The following ZFHX3 variants were observed in gnomAD, a reference collection of about 807,000 sequenced individuals.
ZFHX3 encodes zinc finger homeobox protein 3.
A neutral mutation model predicts 279.1 loss-of-function variants in ZFHX3; 42 were observed. The observed-to-expected ratio is 0.15, with a 90% CI of 0.12 to 0.19. The LOEUF (loss-of-function observed/expected upper bound fraction) is 0.19, where lower values mean the gene tolerates loss of function less well. Ranked by LOEUF, ZFHX3 falls within the 10% of genes least tolerant of loss-of-function variation. The probability of loss-of-function intolerance (pLI) is 1.00; values close to 1 mark genes in which losing one functional copy is unlikely to be tolerated. For missense variants in ZFHX3, 4,981 were observed against 4,754.0 expected, an observed-to-expected ratio of 1.05 and a Z score of -1.40; for synonymous variants, 2,293 against 1,957.8, an observed-to-expected ratio of 1.17 and a Z score of -4.52.
intron 2 of ZFHX3, among the ~76,000 whole-genome samples, chr16:73,678,168 G>GA (rs990365903): frequency 2.0e-4 from 30 of 151,970 alleles, no homozygotes; most frequent in Admixed American, 1.7e-3. Context: ...AGCAAAATCA[G>GA]AAAAAAACTA....
chr16:73,325,883 C>CTAA (rs1450354271), intron 3 of ZFHX3, among the ~76,000 whole-genome samples: 5 of 126,330 alleles, frequency 4.0e-5, no homozygotes, highest in African/African-American at 1.4e-4. Flanking sequence ...GGAGTTTGGT[C>CTAA]TAATAATACA....
At chr16:73,228,692 C>A (rs886384389) in intron 5 of ZFHX3, among the ~76,000 whole-genome samples, 1 of 152,118 alleles carries the variant, frequency 6.6e-6, no homozygotes, top group African/African-American at 2.4e-5. Flanking sequence ...AAACCACTTT[C>A]AAGGGCCCTT....
At chr16:72,884,160 C>T (rs2038565366) in intron 4 of ZFHX3, among the ~76,000 whole-genome samples, 1 of 152,134 alleles carries the variant, frequency 6.6e-6, no homozygotes, top group South Asian at 2.1e-4. Flanking sequence ...ATACATTAAG[C>T]ACAACACCCT....
At chr16:73,474,817 G>A (rs960387487) in intron 2 of ZFHX3, among the ~76,000 whole-genome samples, 4 of 152,206 alleles carry the variant, frequency 2.6e-5, no homozygotes, top group Admixed American at 2.6e-4. Flanking sequence ...CTTCGTGGTT[G>A]GTTATGTCGA....
intron 2 of ZFHX3, among the ~76,000 whole-genome samples, chr16:73,463,107 A>G (rs1407721325): frequency 2.0e-5 from 3 of 152,182 alleles, no homozygotes. Flanking sequence ...TCTATAATAA[A>G]TTTCTTAGTC....
intron 1 of ZFHX3, among the ~76,000 whole-genome samples, chr16:73,719,652 T>A: frequency 6.6e-6 from 1 of 152,342 alleles, no homozygotes; most frequent in South Asian, 2.1e-4. Flanking sequence ...TTTATTTTTT[T>A]ATTTTTTGCT....
At chr16:73,757,078 GTC>G (rs1194341255) in intron 1 of ZFHX3, among the ~76,000 whole-genome samples, 2 of 152,138 alleles carry the variant, frequency 1.3e-5, no homozygotes, top group African/African-American at 4.8e-5. Flanking sequence ...ATGCTTCAGT[GTC>G]TCTTCTGAAG....
intron 5 of ZFHX3, among the ~76,000 whole-genome samples, chr16:73,207,246 G>T (rs559418726): frequency 6.6e-6 from 1 of 152,006 alleles, no homozygotes; most frequent in Non-Finnish European, 1.5e-5. Context: ...GACGACACAC[G>T]GTTCTAGAGC....
At chr16:73,560,089 G>A (rs894776488) in intron 2 of ZFHX3, among the ~76,000 whole-genome samples, 1 of 152,212 alleles carries the variant, frequency 6.6e-6, no homozygotes, top group Non-Finnish European at 1.5e-5. Flanking sequence ...ATGATCGGGA[G>A]CTTGTCTGTC....
At chr16:73,336,068 C>T (rs2015906337) in intron 3 of ZFHX3, among the ~76,000 whole-genome samples, 1 of 152,200 alleles carries the variant, frequency 6.6e-6, no homozygotes, top group Non-Finnish European at 1.5e-5. Context: ...TACTGCTCCA[C>T]ACCCAGGCTC....
intron 5 of ZFHX3, among the ~76,000 whole-genome samples, chr16:73,173,262 C>G (rs1967582134): frequency 6.6e-6 from 1 of 152,050 alleles, no homozygotes; most frequent in Non-Finnish European, 1.5e-5. Context: ...TTACCTCACA[C>G]TGAAGGACTT....
intron 7 of ZFHX3, among the ~76,000 whole-genome samples, chr16:73,100,646 C>G (rs1966219866): frequency 6.6e-6 from 1 of 151,120 alleles, no homozygotes; most frequent in African/African-American, 2.4e-5. Flanking sequence ...GTGGCGCAAC[C>G]TTGCCTCACT....
chr16:73,426,645 A>G (rs1403399019), intron 3 of ZFHX3, among the ~76,000 whole-genome samples: 1 of 152,106 alleles, frequency 6.6e-6, no homozygotes, highest in Non-Finnish European at 1.5e-5. Context: ...AAATATGTGT[A>G]TGTGGGAGGT....
At chr16:73,056,946 T>C (rs569221454) in intron 1 of ZFHX3, among the ~76,000 whole-genome samples, 1 of 152,324 alleles carries the variant, frequency 6.6e-6, no homozygotes, top group African/African-American at 2.4e-5. Flanking sequence ...GCTCGAGTCT[T>C]TTTTAAATTC....
At chr16:73,598,575 G>A (rs796998783) in intron 2 of ZFHX3, among the ~76,000 whole-genome samples, 6 of 151,210 alleles carry the variant, frequency 4.0e-5, no homozygotes, top group Non-Finnish European at 8.8e-5. Context: ...GCATCGCCAC[G>A]CCCGACCAAT....
intron 1 of ZFHX3, among the ~76,000 whole-genome samples, chr16:73,729,264 C>T (rs1271260965): frequency 6.6e-6 from 1 of 152,160 alleles, no homozygotes; most frequent in Non-Finnish European, 1.5e-5. Context: ...TGGAGGCTCA[C>T]GCCTGTAATC....
rs74030921 is a variant in ZFHX3 at position 73,878,628 on chromosome 16, T to C, written c.-1608+13023A>G. On this transcript the variant is annotated intron_variant, in intron 1 of 17. Coordinates refer to the ZFHX3 transcript ENST00000641206. ...ATATTAAATTATCTACTGTTTCTTT[T>C]TTTTTCTTTTTCTTAAGTCAAATCT... Among the ~76,000 whole-genome samples, 1,376 of 152,230 alleles carry C rather than the reference T, an allele frequency of 9.0e-3. 23 individuals carry two copies. The highest frequency in any genetic ancestry group is 0.032 in the African/African-American group (1,331 of 41,542).
upstream of ZFHX3, among the ~76,000 whole-genome samples, chr16:73,050,733 C>T (rs1040878780): frequency 6.6e-6 from 1 of 152,216 alleles, no homozygotes; most frequent in African/African-American, 2.4e-5. Flanking sequence ...GCCTGACATT[C>T]TCATCGCTCC....
At chr16:73,660,728 A>T (rs1376660936) in intron 2 of ZFHX3, among the ~76,000 whole-genome samples, 1 of 152,138 alleles carries the variant, frequency 6.6e-6, no homozygotes, top group Non-Finnish European at 1.5e-5. Flanking sequence ...TCTCTTTTTC[A>T]TCAAAAACAA....
Sources: gnomAD v4.1 joint callset for allele counts (sites outside exome capture counted in the v4.1 genomes callset) on GRCh38, gnomAD v4.1.1 for gene constraint, MANE v1.5 for transcripts, NCBI Gene and HGNC (gene_info 2026-07-23, HGNC 2026-07-21) for gene names.